TMEM150C: variants seen among roughly 807,000 people sequenced by gnomAD.
The protein encoded by TMEM150C is tentonin 3.
TMEM150C carries 10 observed loss-of-function variants against 29.9 expected under a neutral mutation model. The observed-to-expected ratio is 0.33, with a 90% CI of 0.21 to 0.57. TMEM150C has a LOEUF of 0.57. Among genes scored for constraint, TMEM150C ranks in the 20% least tolerant of loss-of-function variants. The probability of loss-of-function intolerance (pLI) is 0.88; values close to 1 mark genes in which losing one functional copy is unlikely to be tolerated. For missense variants in TMEM150C, 251 were observed against 303.6 expected, an observed-to-expected ratio of 0.83 and a Z score of 1.29; for synonymous variants, 101 against 112.5, an observed-to-expected ratio of 0.90 and a Z score of 0.64.
intron 7 of TMEM150C, among the ~76,000 whole-genome samples, chr4:82,489,399 G>A (rs527521091): frequency 6.6e-6 from 1 of 152,078 alleles, no homozygotes; most frequent in African/African-American, 2.4e-5. Context: ...ATTCCAAGGT[G>A]TGAGAGAGGA....
At chr4:82,513,566 TA>T (rs960613493) in intron 1 of TMEM150C, among the ~76,000 whole-genome samples, 9 of 148,090 alleles carry the variant, frequency 6.1e-5, no homozygotes, top group East Asian at 2.0e-4. Context: ...CTGTTGACCT[TA>T]AAAAAAAAAC....
chr4:82,495,896 T>C (rs1723540767), intron 6 of TMEM150C, 172 bp downstream of exon 6: 1 of 764,146 alleles, frequency 1.3e-6, no homozygotes, highest in Non-Finnish European at 2.1e-6. Flanking sequence ...AGCTTCATCT[T>C]GAAGCAGCTG....
intron 6 of TMEM150C, among the ~76,000 whole-genome samples, chr4:82,492,945 T>C (rs1396221620): frequency 6.9e-6 from 1 of 143,900 alleles, no homozygotes; most frequent in Non-Finnish European, 1.5e-5. Context: ...TAGAGTACGG[T>C]GGTATGATAA....
At chr4:82,498,688 A>G (rs1292689039) in intron 5 of TMEM150C, among the ~76,000 whole-genome samples, 1 of 152,124 alleles carries the variant, frequency 6.6e-6, no homozygotes, top group Admixed American at 6.6e-5. Context: ...CCTAAGCCCT[A>G]AACCCAGTTC....
At chr4:82,510,006 A>T (rs923958828) in intron 1 of TMEM150C, among the ~76,000 whole-genome samples, 4 of 152,144 alleles carry the variant, frequency 2.6e-5, no homozygotes, top group African/African-American at 9.7e-5. Context: ...GAAGCTACAA[A>T]TGGAAAAGTA....
At chr4:82,523,817 A>G (rs921729638) in intron 1 of TMEM150C, among the ~76,000 whole-genome samples, 2 of 151,692 alleles carry the variant, frequency 1.3e-5, no homozygotes, top group Non-Finnish European at 2.9e-5. Context: ...AGTTGGGATT[A>G]TAGGCGCCTG....
intron 1 of TMEM150C, among the ~76,000 whole-genome samples, chr4:82,523,258 G>A (rs1368800814): frequency 6.6e-6 from 1 of 152,160 alleles, no homozygotes; most frequent in East Asian, 1.9e-4. Context: ...AAAACCAAAA[G>A]AGGAGGTCCC....
rs536865725 is a variant in TMEM150C at position 82,503,653 on chromosome 4, A to G, written c.81-541T>C. Reference sequence around the variant, plus strand: ...ATCACGAGGTCAGGAGATCGAGACCATCCTGGCTAACATGGTGAAACCCCG... The same window carrying G: ...ATCACGAGGTCAGGAGATCGAGACCGTCCTGGCTAACATGGTGAAACCCCG... On this transcript the variant is annotated intron_variant, in intron 2 of 7. Coordinates refer to ENST00000449862, the MANE Select transcript of TMEM150C (RefSeq NM_001080506.3). 5.9e-3 allele frequency among the ~76,000 whole-genome samples: 893 copies of G among 152,220 alleles called. 5 individuals are homozygous for G. The highest frequency in any genetic ancestry group is 9.4e-3 in the Non-Finnish European group (641 of 68,000).
At chr4:82,502,593 G>A in intron 5 of TMEM150C, 134 bp downstream of exon 5, 1 of 821,074 alleles carries the variant, frequency 1.2e-6, no homozygotes, top group Non-Finnish European at 1.9e-6. Context: ...CAAAGAGCTG[G>A]CTTCAGCATA....
intron 1 of TMEM150C, among the ~76,000 whole-genome samples, chr4:82,556,859 CA>C (rs753886911): frequency 1.1e-4 from 16 of 152,268 alleles, no homozygotes; most frequent in African/African-American, 1.7e-4. Context: ...GAAATGTTAT[CA>C]GGGGGTGTTA....
At position 82,485,396 on chromosome 4, in the gene TMEM150C, A is replaced by ATGTG. The variant is rs3832273; in HGVS notation, c.*111_*114dup. On this transcript the variant is annotated 3_prime_UTR_variant, in exon 8 of 8. Coordinates refer to ENST00000449862, the MANE Select transcript of TMEM150C (RefSeq NM_001080506.3). The stretch of plus-strand genomic sequence containing the variant: ...GCTCATTTGGCAAATGTGGCCATGA[A>ATGTG]TGTGTGTGTGTGTGTGTGTGTGAAA... 0.02 allele frequency: 13,642 copies of ATGTG among 684,346 alleles called. 532 individuals are homozygous for ATGTG. Among genetic ancestry groups the ATGTG allele is most frequent in the African/African-American group, 0.15 (8,157 of 54,502 alleles). 42.4% of individuals were successfully genotyped at this position (684,346 alleles called of 1,614,324 possible). A position where few individuals can be genotyped will look rare whatever the true frequency, so the allele number is the denominator to read the frequency against.
chr4:82,522,812 A>G (rs1246889218), intron 1 of TMEM150C, among the ~76,000 whole-genome samples: 3 of 152,116 alleles, frequency 2.0e-5, no homozygotes, highest in Non-Finnish European at 4.4e-5. Flanking sequence ...AGGAAATATA[A>G]GGGGTAAGAG....
At chr4:82,538,663 C>T (rs1725093462) in intron 1 of TMEM150C, among the ~76,000 whole-genome samples, 1 of 152,058 alleles carries the variant, frequency 6.6e-6, no homozygotes, top group Admixed American at 6.5e-5. Flanking sequence ...GAAAAATAAA[C>T]CATTACCCCG....
At chr4:82,554,487 A>G (rs1332087955) in intron 1 of TMEM150C, among the ~76,000 whole-genome samples, 1 of 152,208 alleles carries the variant, frequency 6.6e-6, no homozygotes, top group East Asian at 1.9e-4. Context: ...TTTAAAAAAT[A>G]TATGTTAATT....
intron 1 of TMEM150C, among the ~76,000 whole-genome samples, chr4:82,507,816 T>C (rs1174152528): frequency 7.3e-6 from 1 of 136,864 alleles, no homozygotes; most frequent in African/African-American, 2.7e-5. Context: ...GCAGTGATTA[T>C]GGCTCACTGC....
intron 1 of TMEM150C, among the ~76,000 whole-genome samples, chr4:82,551,474 G>C (rs1384392912): frequency 6.6e-6 from 1 of 152,178 alleles, no homozygotes; most frequent in Non-Finnish European, 1.5e-5. Flanking sequence ...GTTAAAATAA[G>C]GACATTCCAT....
At chr4:82,493,931 A>G (rs1031336252) in intron 6 of TMEM150C, among the ~76,000 whole-genome samples, 9 of 152,206 alleles carry the variant, frequency 5.9e-5, no homozygotes, top group African/African-American at 2.2e-4. Context: ...TTTATAACTC[A>G]CCAAGCAAAA....
chr4:82,548,317 C>T (rs1725452492), intron 1 of TMEM150C, among the ~76,000 whole-genome samples: 2 of 152,240 alleles, frequency 1.3e-5, no homozygotes, highest in Admixed American at 6.5e-5. Context: ...GGACATGTAC[C>T]TCCTAAACAG....
chr4:82,546,084 C>T (rs993156544), intron 1 of TMEM150C, among the ~76,000 whole-genome samples: 9 of 152,140 alleles, frequency 5.9e-5, no homozygotes, highest in African/African-American at 1.9e-4. Context: ...AAAGAAATTA[C>T]AGATGACACA....
Sources: allele counts gnomAD v4.1 joint callset (sites outside exome capture counted in the v4.1 genomes callset), GRCh38; gene constraint gnomAD v4.1.1; transcripts MANE v1.5; gene names NCBI Gene and HGNC (gene_info 2026-07-23, HGNC 2026-07-21).